HDAC11: variants seen among roughly 807,000 people sequenced by gnomAD.
HDAC11 encodes the protein histone deacetylase 11.
In HDAC11, 23 loss-of-function variants were observed where a neutral mutation model predicts 41.1. That is an observed-to-expected ratio of 0.56 (90% CI 0.40 to 0.79). The LOEUF is 0.79. Ranked by LOEUF, HDAC11 falls within the 30% of genes least tolerant of loss-of-function variation. The pLI is 0.00. For synonymous variants in HDAC11, 187 were observed against 186.6 expected (o/e 1.00, Z -0.02); for missense variants, 402 against 477.3 (o/e 0.84, Z 1.47).
chr3:13,495,343 G>A (rs1433901083), intron 3 of HDAC11, among the ~76,000 whole-genome samples: 1 of 152,054 alleles, frequency 6.6e-6, no homozygotes, highest in East Asian at 1.9e-4. Context: ...AACCTCAGCT[G>A]TCTCACCTGG....
chr3:13,499,363 T>G (rs2125009874), intron 5 of HDAC11, among the ~76,000 whole-genome samples: 1 of 152,204 alleles, frequency 6.6e-6, no homozygotes, highest in Middle Eastern at 3.4e-3. Context: ...GAGACAGGGT[T>G]TCTCCATGTT....
chr3:13,485,954 G>A (rs940032849), intron 3 of HDAC11, among the ~76,000 whole-genome samples: 1 of 151,170 alleles, frequency 6.6e-6, no homozygotes, highest in African/African-American at 2.4e-5. Context: ...AAACATGATG[G>A]TTTCTACGGC....
intron 3 of HDAC11, among the ~76,000 whole-genome samples, chr3:13,491,106 G>GTGTC (rs1553610909): frequency 0.014 from 2,025 of 145,664 alleles, 20 homozygotes; most frequent in Middle Eastern, 0.028. Context: ...GTGTGTGTGT[G>GTGTC]TGTGTGTATT....
At chr3:13,503,575 AAG>A (rs1331664303) in intron 8 of HDAC11, among the ~76,000 whole-genome samples, 1 of 152,264 alleles carries the variant, frequency 6.6e-6, no homozygotes, top group Non-Finnish European at 1.5e-5. Flanking sequence ...GAAAGAAAGA[AAG>A]AAATTCATGT....
Position 13,504,772 on chromosome 3 carries a change from T to G in HDAC11, c.*89T>G, listed in dbSNP as rs1482713725. Reference sequence around the variant, plus strand: ...ACCTCATGGGGTGGTGGAGGCAGCCTTCAGTGAGCATGGAGGGGCAGGGCC... The same window carrying G: ...ACCTCATGGGGTGGTGGAGGCAGCCGTCAGTGAGCATGGAGGGGCAGGGCC... On this transcript the variant is annotated 3_prime_UTR_variant, in exon 10 of 10. Transcript: ENST00000295757. 8 of 1,172,640 alleles carry G rather than the reference T, an allele frequency of 6.8e-6. No homozygotes were observed. The highest frequency in any genetic ancestry group is 9.9e-6 in the Non-Finnish European group (8 of 808,496). 72.6% of individuals were successfully genotyped at this position (1,172,640 alleles called of 1,614,324 possible).
intron 3 of HDAC11, among the ~76,000 whole-genome samples, chr3:13,495,052 G>T (rs904647058): frequency 3.3e-5 from 5 of 151,898 alleles, no homozygotes; most frequent in Admixed American, 2.0e-4. Context: ...CCTCCTCCTG[G>T]TTGGTGAACG....
intron 3 of HDAC11, among the ~76,000 whole-genome samples, chr3:13,491,660 G>A (rs2125004829): frequency 6.6e-6 from 1 of 152,342 alleles, no homozygotes; most frequent in East Asian, 1.9e-4. Context: ...AGTAGATGGG[G>A]CAGTAGGTCC....
chr3:13,497,854 CTTTTT>C (rs10667297), intron 4 of HDAC11, among the ~76,000 whole-genome samples: 8 of 106,078 alleles, frequency 7.5e-5, no homozygotes, highest in Non-Finnish European at 1.2e-4. Flanking sequence ...TCTTTTTTTG[CTTTTT>C]TTTTTTTTTT....
chr3:13,492,107 G>T (rs1701892195), intron 3 of HDAC11, among the ~76,000 whole-genome samples: 1 of 152,236 alleles, frequency 6.6e-6, no homozygotes, highest in African/African-American at 2.4e-5. Flanking sequence ...AGGCAGTGGG[G>T]AGCGGGCAGA....
rs896308742 is a variant in HDAC11, at chr3:13,504,955, T to G, written c.*272T>G. The G allele has an allele frequency of 1.1e-5, 6 of 540,576 alleles. No individual in the cohort carries two copies. Among genetic ancestry groups the G allele is most frequent in the Non-Finnish European group, 1.0e-5 (3 of 299,614 alleles). The allele number at this position is 540,576 out of a possible 1,614,324, so 33.5% of individuals were successfully genotyped here. On this transcript the variant is annotated 3_prime_UTR_variant, in exon 10 of 10. Transcript: ENST00000295757. Reference sequence around the variant, plus strand: ...CCCATAGGTCCAGGGAGGCAGGCAGTTAACTGAGAATTGGAGAGGACAGGC... The same window carrying G: ...CCCATAGGTCCAGGGAGGCAGGCAGGTAACTGAGAATTGGAGAGGACAGGC...
chr3:13,494,543 C>T (rs768990810), intron 3 of HDAC11, among the ~76,000 whole-genome samples: 3 of 152,202 alleles, frequency 2.0e-5, no homozygotes, highest in African/African-American at 7.2e-5. Context: ...TCTGGCTGTG[C>T]TGGTCCCAGC....
intron 3 of HDAC11, 78 bp downstream of exon 3, chr3:13,483,642 G>A: frequency 1.7e-6 from 2 of 1,169,532 alleles, no homozygotes; most frequent in South Asian, 1.2e-5. Context: ...GGCAGGAGGT[G>A]ACTCAGCCTG....
Position 13,500,709 on chromosome 3 carries a change from G to C in HDAC11, c.413-4G>C. 6.3e-7 allele frequency: 1 copy of C among 1,587,038 alleles called. No individual in the cohort carries two copies. The highest frequency in any genetic ancestry group is 8.6e-7 in the Non-Finnish European group (1 of 1,165,846). ...GAGCAGCACCGCTCTCTGCCCTTCC[G>C]CAGGGGGTGGCTTCCACCACTGCTC... On this transcript the variant is annotated splice_region_variant and splice_polypyrimidine_tract_variant and intron_variant, in intron 5 of 9. Transcript: ENST00000295757.
At chr3:13,496,270 CCA>C (rs1409073480) in intron 3 of HDAC11, among the ~76,000 whole-genome samples, 1 of 152,222 alleles carries the variant, frequency 6.6e-6, no homozygotes, top group Non-Finnish European at 1.5e-5. Context: ...TGCGAGGGAG[CCA>C]GAGGCCAGGG....
chr3:13,499,192 G>A (rs576109070), intron 5 of HDAC11, among the ~76,000 whole-genome samples: 3 of 152,204 alleles, frequency 2.0e-5, no homozygotes, highest in South Asian at 4.2e-4. Context: ...TTTTCGAGAC[G>A]TAGTTTCACT....
intron 3 of HDAC11, among the ~76,000 whole-genome samples, chr3:13,486,267 C>CA (rs76727800): frequency 0.025 from 1,631 of 64,866 alleles, 27 homozygotes; most frequent in East Asian, 0.033. Context: ...AACTCCATCT[C>CA]AAAAAAAAAA....
chr3:13,496,871 C>A lies in HDAC11; in HGVS notation c.369+19C>A, dbSNP rs372001744. On this transcript the variant is annotated intron_variant, in intron 4 of 9. Transcript: ENST00000295757. ...CATAATGGTAGGTGGGGTGGGGGGGCATGGCTGGGCTGGGGGCCCCCACAC... is the reference window on the plus strand; with the variant it reads ...CATAATGGTAGGTGGGGTGGGGGGGAATGGCTGGGCTGGGGGCCCCCACAC... The A allele has an allele frequency of 3.2e-3, 3,099 of 975,746 alleles. No homozygotes were observed. The highest frequency in any genetic ancestry group is 4.3e-3 in the Non-Finnish European group (2,804 of 646,926). 60.4% of individuals were successfully genotyped at this position (975,746 alleles called of 1,614,324 possible). A position where few individuals can be genotyped will look rare whatever the true frequency, so the allele number is the denominator to read the frequency against.
Position 13,480,743 on chromosome 3 carries a change from C to CT in HDAC11, c.2+394_2+395insT. 2.1e-6 allele frequency: 1 copy of CT among 483,170 alleles called. No homozygotes were observed. Among genetic ancestry groups the CT allele is most frequent in the South Asian group, 1.6e-5 (1 of 62,992 alleles). 29.9% of individuals were successfully genotyped at this position (483,170 alleles called of 1,614,324 possible). Reference sequence around the variant, plus strand: ...GGAAGGGTTAGCAGCGCAGCGGGGTCAGGGGATCCCCGCCCCCCGCCCTGG... The same window carrying CT: ...GGAAGGGTTAGCAGCGCAGCGGGGTCTAGGGGATCCCCGCCCCCCGCCCTGG... On this transcript the variant is annotated intron_variant, in intron 1 of 9. Transcript: ENST00000295757. This position sits in a 1 kb window ranked among gnomAD's most constrained non-coding sequence, Gnocchi z 4.6.
intron 4 of HDAC11, among the ~76,000 whole-genome samples, chr3:13,497,860 T>TTTC (rs1559378625): frequency 7.1e-6 from 1 of 140,102 alleles, no homozygotes; most frequent in Non-Finnish European, 1.5e-5. Context: ...TTTGCTTTTT[T>TTTC]TTTTTTTTTT....
Sources: allele counts gnomAD v4.1 joint callset (sites outside exome capture counted in the v4.1 genomes callset), GRCh38; gene constraint gnomAD v4.1.1; non-coding constraint Gnocchi (gnomAD v3.1); transcripts MANE v1.5; gene names NCBI Gene and HGNC (gene_info 2026-07-23, HGNC 2026-07-21).